The following BRINP3 variants were observed in gnomAD, a reference collection of about 807,000 sequenced individuals.
The protein encoded by BRINP3 is BMP/retinoic acid-inducible neural-specific protein 3.
BRINP3 carries 19 observed loss-of-function variants against 71.0 expected under a neutral mutation model. That is an observed-to-expected ratio of 0.27 (90% CI 0.19 to 0.39). The LOEUF (loss-of-function observed/expected upper bound fraction) is 0.39. Among genes scored for constraint, BRINP3 ranks in the 10% least tolerant of loss-of-function variants. The pLI is 1.00. For synonymous variants in BRINP3, 380 were observed against 337.7 expected, an observed-to-expected ratio of 1.13 and a Z score of -1.37; for missense variants, 959 against 940.8, an observed-to-expected ratio of 1.02 and a Z score of -0.25.
At chr1:190,472,894 C>A (rs1364627419) in intron 1 of BRINP3, among the ~76,000 whole-genome samples, 1 of 151,070 alleles carries the variant, frequency 6.6e-6, no homozygotes, top group Non-Finnish European at 1.5e-5. Flanking sequence ...TTATAATGTA[C>A]AATAACTTTG....
intron 2 of BRINP3, among the ~76,000 whole-genome samples, chr1:190,403,546 T>C (rs1672072340): frequency 6.6e-6 from 1 of 152,210 alleles, no homozygotes; most frequent in African/African-American, 2.4e-5. Flanking sequence ...TTTTATTCTA[T>C]CTTCACTACG....
chr1:190,164,162 A>C (rs563547579), intron 6 of BRINP3, among the ~76,000 whole-genome samples: 47 of 152,264 alleles, frequency 3.1e-4, no homozygotes, highest in Admixed American at 9.8e-4. Context: ...AACGTAAAAA[A>C]ACTTTGACCA....
intron 2 of BRINP3, among the ~76,000 whole-genome samples, chr1:190,355,888 T>G (rs1238908789): frequency 1.3e-5 from 2 of 151,948 alleles, no homozygotes; most frequent in Non-Finnish European, 2.9e-5. Flanking sequence ...TAAAGGAGTA[T>G]AGGATTGCAT....
intron 6 of BRINP3, among the ~76,000 whole-genome samples, chr1:190,206,574 G>A (rs1010573074): frequency 2.0e-5 from 3 of 152,020 alleles, no homozygotes; most frequent in Admixed American, 6.6e-5. Flanking sequence ...CTCACAACTC[G>A]ATATTAATGA....
intron 2 of BRINP3, among the ~76,000 whole-genome samples, chr1:190,425,735 C>A (rs1572016736): frequency 6.6e-6 from 1 of 151,768 alleles, no homozygotes; most frequent in South Asian, 2.1e-4. Flanking sequence ...TTGGCAAAAC[C>A]TTTGTTTGAC....
In BRINP3 at chr1:190,192,503, T is replaced by A. The variant is rs1654125592; in HGVS notation, c.962-31613A>T. Among the ~76,000 whole-genome samples the A allele has an allele frequency of 2.6e-5, 4 of 151,184 alleles. No individual in the cohort carries two copies. The South Asian group carries it at 8.5e-4, about 32-fold the overall frequency. Reference sequence around the variant, plus strand: ...CCATGAACCAGCATGTGCCAACATGTCCTGTTTGATATTAGTTTAGTTTTT... The same window carrying A: ...CCATGAACCAGCATGTGCCAACATGACCTGTTTGATATTAGTTTAGTTTTT... On this transcript the variant is annotated intron_variant, in intron 6 of 7. Transcript: ENST00000367462.
chr1:190,219,907 C>A (rs1283637388), intron 6 of BRINP3, among the ~76,000 whole-genome samples: 1 of 150,450 alleles, frequency 6.6e-6, no homozygotes, highest in East Asian at 1.9e-4. Flanking sequence ...GGGAAACAAA[C>A]AAGCAAACAA....
chr1:190,405,382 C>T (rs527987738), intron 2 of BRINP3, among the ~76,000 whole-genome samples: 4 of 132,098 alleles, frequency 3.0e-5, no homozygotes, highest in East Asian at 2.5e-4. Flanking sequence ...ACCCGGGAGG[C>T]GGAGCTTGCG....
At chr1:190,329,791 C>T (rs1666847655) in intron 2 of BRINP3, among the ~76,000 whole-genome samples, 1 of 151,792 alleles carries the variant, frequency 6.6e-6, no homozygotes, top group Non-Finnish European at 1.5e-5. Context: ...AGTACTGACA[C>T]AAAAACAGAC....
chr1:190,358,526 G>A (rs1226574811), intron 2 of BRINP3, among the ~76,000 whole-genome samples: 1 of 152,166 alleles, frequency 6.6e-6, no homozygotes, highest in Non-Finnish European at 1.5e-5. Context: ...GTGCTGGAGA[G>A]GATGTGGAGA....
chr1:190,397,259 T>G (rs1671640758), intron 2 of BRINP3, among the ~76,000 whole-genome samples: 1 of 151,994 alleles, frequency 6.6e-6, no homozygotes, highest in Admixed American at 6.6e-5. Context: ...AAATACCAGT[T>G]TCATGTTCTA....
chr1:190,098,222 T>C lies in BRINP3; in HGVS notation c.2097A>G (p.Ala699=). The stretch of plus-strand genomic sequence containing the variant: ...CTCTGATCTCTAGTAGTTGCAAAAG[T>C]GCTGAATCCTGGGATCCCTGAGTAT... ...YPYTQGSQDS[A]LLQLLEIRDR... is the part of the protein sequence containing the mutation. The change falls in exon 8 of 8, where the codon GCA becomes GCG. Residue 699 remains alanine, a synonymous_variant. Transcript: ENST00000367462. 1.2e-6 allele frequency: 2 copies of C among 1,614,130 alleles called. No homozygotes were observed. Among genetic ancestry groups the C allele is most frequent in the Non-Finnish European group, 1.7e-6 (2 of 1,180,022 alleles).
intron 3 of BRINP3, among the ~76,000 whole-genome samples, chr1:190,279,399 T>A (rs1408865267): frequency 1.3e-5 from 2 of 151,832 alleles, no homozygotes; most frequent in African/African-American, 4.8e-5. Context: ...CTATGTCCCA[T>A]CACATAGGTG....
At chr1:190,174,416 A>G (rs1198649532) in intron 6 of BRINP3, among the ~76,000 whole-genome samples, 1 of 152,174 alleles carries the variant, frequency 6.6e-6, no homozygotes, top group Non-Finnish European at 1.5e-5. Context: ...CCATACGTAT[A>G]TATACACACA....
intron 2 of BRINP3, among the ~76,000 whole-genome samples, chr1:190,284,215 C>T (rs527538004): frequency 2.6e-5 from 4 of 151,920 alleles, no homozygotes; most frequent in African/African-American, 9.6e-5. Context: ...TCATTTTGTT[C>T]CTCTTAAATA....
At chr1:190,201,959 C>A (rs1266149764) in intron 6 of BRINP3, among the ~76,000 whole-genome samples, 1 of 152,142 alleles carries the variant, frequency 6.6e-6, no homozygotes, top group Non-Finnish European at 1.5e-5. Flanking sequence ...AGAGGATCAC[C>A]ACAAAGTCCC....
chr1:190,246,167 T>C (rs1320047399), intron 4 of BRINP3, among the ~76,000 whole-genome samples: 2 of 152,088 alleles, frequency 1.3e-5, no homozygotes, highest in African/African-American at 4.8e-5. Flanking sequence ...TTAAAAATAA[T>C]TTAAAATCCA....
chr1:190,110,027 G>C (rs572297858), intron 7 of BRINP3, among the ~76,000 whole-genome samples: 1 of 152,138 alleles, frequency 6.6e-6, no homozygotes, highest in South Asian at 2.1e-4. Flanking sequence ...ATGTATATCT[G>C]TATATATCTA....
At position 190,312,036 on chromosome 1, in the gene BRINP3, A is replaced by AATATATATATAT. The variant is rs1180367434; in HGVS notation, c.237-30298_237-30287dup. On this transcript the variant is annotated intron_variant, in intron 2 of 7. Transcript: ENST00000367462. ...AAAATACATGATATTTGAAAAGTCA[A>AATATATATATAT]ATATATATATATATATATATATATA... Among the ~76,000 whole-genome samples the AATATATATATAT allele has an allele frequency of 1.3e-3, 87 of 68,298 alleles. 1 individual carries two copies. The highest frequency in any genetic ancestry group is 4.1e-3 in the East Asian group (7 of 1,720). The allele number at this position is 68,298 out of a possible 152,430, so 44.8% of individuals were successfully genotyped here.
Sources: allele counts gnomAD v4.1 joint callset (sites outside exome capture counted in the v4.1 genomes callset), GRCh38; gene constraint gnomAD v4.1.1; transcripts MANE v1.5; gene names NCBI Gene and HGNC (gene_info 2026-07-23, HGNC 2026-07-21).